The following CHODL variants were observed in gnomAD, a reference collection of about 807,000 sequenced individuals.
The protein encoded by CHODL is transmembrane protein MT75.
In CHODL, 29 loss-of-function variants were observed where a neutral mutation model predicts 34.5. That is an observed-to-expected ratio of 0.84 (90% confidence interval 0.63 to 1.15). The LOEUF is 1.15. CHODL is among the 50% of genes most tolerant of loss of function. The pLI, the probability that CHODL is intolerant of heterozygous loss-of-function variation, is 0.00. For synonymous variants in CHODL, 125 were observed against 116.1 expected, an observed-to-expected ratio of 1.08 and a Z score of -0.49; for missense variants, 332 against 332.5, an observed-to-expected ratio of 1.00 and a Z score of 0.01.
intron 2 of CHODL, among the ~76,000 whole-genome samples, chr21:18,116,344 G>C (rs954323340): frequency 1.3e-5 from 2 of 151,564 alleles, no homozygotes; most frequent in Admixed American, 1.3e-4. Context: ...TCATTTAGAG[G>C]TTCCAATACC....
intron 1 of CHODL, among the ~76,000 whole-genome samples, chr21:17,951,545 C>T (rs1418149268): frequency 7.1e-6 from 1 of 140,870 alleles, no homozygotes; most frequent in Non-Finnish European, 1.6e-5. Context: ...GACACACACA[C>T]AATCCACATG....
rs1405752393 is a variant in CHODL, at chr21:18,239,272, CAG to C, written c.-44-17234_-44-17233del. On this transcript the variant is annotated intron_variant, in intron 2 of 6. Transcript: ENST00000400127. ...GTGCTGATATCTATGGCTTATCTGA[CAG>C]AGTATTCCTTATTATTTCCAAAATT... is the stretch of plus-strand genomic sequence containing the variant. Among the ~76,000 whole-genome samples, 4 of 152,064 alleles carry C rather than the reference CAG, an allele frequency of 2.6e-5. 1 individual carries two copies. The highest frequency in any genetic ancestry group is 5.9e-5 in the Non-Finnish European group (4 of 67,990).
chr21:18,175,436 A>G (rs1370001414), intron 2 of CHODL, among the ~76,000 whole-genome samples: 3 of 152,112 alleles, frequency 2.0e-5, no homozygotes, highest in African/African-American at 4.8e-5. Context: ...TACTAAAAAT[A>G]CAAAAAATTA....
intron 2 of CHODL, among the ~76,000 whole-genome samples, chr21:18,094,070 T>G (rs552101422): frequency 6.6e-6 from 1 of 152,216 alleles, no homozygotes; most frequent in South Asian, 2.1e-4. Flanking sequence ...GCAATAGTGT[T>G]ATACTTATTC....
intron 1 of CHODL, among the ~76,000 whole-genome samples, chr21:17,938,591 G>A (rs948743843): frequency 6.9e-6 from 1 of 144,952 alleles, no homozygotes; most frequent in African/African-American, 2.6e-5. Context: ...CCATTCTCCT[G>A]CCTCAGCCTC....
intron 2 of CHODL, among the ~76,000 whole-genome samples, chr21:18,043,519 T>C (rs557072553): frequency 6.6e-6 from 1 of 152,100 alleles, no homozygotes; most frequent in Non-Finnish European, 1.5e-5. Context: ...TCAAAGTGTG[T>C]TACTTGTACT....
chr21:18,158,483 T>C (rs1050354611), intron 2 of CHODL, among the ~76,000 whole-genome samples: 2 of 152,200 alleles, frequency 1.3e-5, no homozygotes, highest in Non-Finnish European at 2.9e-5. Flanking sequence ...TCCATTTACA[T>C]TTTCTATTCA....
intron 2 of CHODL, among the ~76,000 whole-genome samples, chr21:18,223,727 T>G (rs748551254): frequency 6.6e-6 from 1 of 152,106 alleles, no homozygotes; most frequent in Admixed American, 6.5e-5. Flanking sequence ...GAAAGGCTAC[T>G]TTACCCACAT....
chr21:18,084,516 C>A (rs1015161528), intron 2 of CHODL, among the ~76,000 whole-genome samples: 1 of 152,110 alleles, frequency 6.6e-6, no homozygotes, highest in Non-Finnish European at 1.5e-5. Flanking sequence ...CTAATTTCTT[C>A]ATTGACCCAG....
At position 18,144,868 on chromosome 21, in the gene CHODL, G is replaced by A. The variant is rs950463703; in HGVS notation, c.-44-111641G>A. ...AACATGAAAAGCCTTAAAGAAAGCA[G>A]GTTATATTCAGAATCACATTAACAA... On this transcript the variant is annotated intron_variant, in intron 2 of 6. Transcript: ENST00000400127. Among the ~76,000 whole-genome samples, 8 of 149,548 alleles carry A rather than the reference G, an allele frequency of 5.3e-5. No homozygotes were observed. In the South Asian group the frequency reaches 1.7e-3, roughly 32 times the overall value.
At chr21:18,186,259 A>G (rs1056814077) in intron 2 of CHODL, among the ~76,000 whole-genome samples, 1 of 152,172 alleles carries the variant, frequency 6.6e-6, no homozygotes. Context: ...GGTCTAGAAT[A>G]TAAGCTCATT....
intron 2 of CHODL, among the ~76,000 whole-genome samples, chr21:18,169,445 A>T (rs10446095): frequency 1.1e-4 from 16 of 146,338 alleles, no homozygotes; most frequent in Admixed American, 6.7e-5. Flanking sequence ...TTTTTTTTTT[A>T]TCTTGATCTA....
intron 2 of CHODL, among the ~76,000 whole-genome samples, chr21:18,194,008 A>T (rs918141895): frequency 9.9e-5 from 15 of 151,920 alleles, no homozygotes; most frequent in African/African-American, 3.6e-4. Context: ...GTCCAATCCA[A>T]TCTACCTTTG....
chr21:17,969,724 A>G (rs2063599538), intron 1 of CHODL, among the ~76,000 whole-genome samples: 1 of 152,210 alleles, frequency 6.6e-6, no homozygotes, highest in African/African-American at 2.4e-5. Flanking sequence ...ATTTTAAACA[A>G]CAGCATGTAG....
chr21:18,069,995 T>C, intron 2 of CHODL, among the ~76,000 whole-genome samples: 1 of 62,766 alleles, frequency 1.6e-5, no homozygotes, highest in African/African-American at 4.7e-5. Flanking sequence ...TTCCCTTCCC[T>C]TCCCTTCCCT....
intron 2 of CHODL, among the ~76,000 whole-genome samples, chr21:18,191,028 T>TA (rs1266000800): frequency 6.6e-6 from 1 of 152,170 alleles, no homozygotes; most frequent in Non-Finnish European, 1.5e-5. Context: ...GTCAACCCAG[T>TA]AATAACCCCC....
At chr21:18,235,771 T>G (rs1322400185) in intron 2 of CHODL, among the ~76,000 whole-genome samples, 1 of 152,098 alleles carries the variant, frequency 6.6e-6, no homozygotes, top group Non-Finnish European at 1.5e-5. Flanking sequence ...AATTGGAAAC[T>G]AGAACATTAA....
At chr21:18,136,555 G>C (rs2146603079) in intron 2 of CHODL, among the ~76,000 whole-genome samples, 1 of 152,030 alleles carries the variant, frequency 6.6e-6, no homozygotes, top group East Asian at 1.9e-4. Flanking sequence ...ACTTCCCTAG[G>C]AGAAGTAATT....
chr21:18,249,133 A>C (rs1210150459), intron 1 of CHODL, among the ~76,000 whole-genome samples: 2 of 135,500 alleles, frequency 1.5e-5, no homozygotes, highest in African/African-American at 5.5e-5. Flanking sequence ...ATACATATAT[A>C]ATAATATATA....
Sources: gnomAD v4.1 joint callset for allele counts (sites outside exome capture counted in the v4.1 genomes callset) on GRCh38, gnomAD v4.1.1 for gene constraint, MANE v1.5 for transcripts, NCBI Gene and HGNC (gene_info 2026-07-23, HGNC 2026-07-21) for gene names.